The following GLIS1 variants were observed in gnomAD, a reference collection of about 807,000 sequenced individuals.
The protein encoded by GLIS1 is zinc finger protein GLIS1.
In GLIS1, 24 loss-of-function variants were observed where a neutral mutation model predicts 63.8. That is an observed-to-expected ratio of 0.38 (90% CI 0.27 to 0.53). The LOEUF is 0.53. Ranked by LOEUF, GLIS1 falls within the 20% of genes least tolerant of loss-of-function variation. The pLI, the probability that GLIS1 is intolerant of heterozygous loss-of-function variation, is 0.85. For missense variants in GLIS1, 1,036 were observed against 1,074.1 expected (o/e 0.96, Z 0.50); for synonymous variants, 450 against 482.5 (o/e 0.93, Z 0.88).
At chr1:53,654,385 G>A (rs1474462) in intron 2 of GLIS1, among the ~76,000 whole-genome samples, 66,183 of 152,104 alleles carry the variant, frequency 0.44, 16,844 homozygotes, top group Non-Finnish European at 0.55. Flanking sequence ...GTCGGGGGCC[G>A]GAACAGCCCC....
chr1:53,618,233 G>A (rs1557484092), intron 2 of GLIS1, among the ~76,000 whole-genome samples: 1 of 152,242 alleles, frequency 6.6e-6, no homozygotes, highest in Non-Finnish European at 1.5e-5. Context: ...TTCTCCCGCT[G>A]TAAGTGATCA....
chr1:53,737,057 G>C (rs375428142), intron 2 of GLIS1, among the ~76,000 whole-genome samples: 2 of 152,134 alleles, frequency 1.3e-5, no homozygotes, highest in Non-Finnish European at 2.9e-5. Flanking sequence ...CTGTCAGCAC[G>C]AAACTCATAA....
chr1:53,624,340 G>A (rs1341742636), intron 2 of GLIS1, among the ~76,000 whole-genome samples: 1 of 152,104 alleles, frequency 6.6e-6, no homozygotes, highest in Non-Finnish European at 1.5e-5. Context: ...ATAACTGTAT[G>A]GAAAAGATGA....
intron 4 of GLIS1, among the ~76,000 whole-genome samples, chr1:53,573,660 G>A (rs1049913805): frequency 5.9e-5 from 9 of 152,142 alleles, no homozygotes; most frequent in Admixed American, 2.6e-4. Flanking sequence ...ACATGTACAC[G>A]CACACACACA....
chr1:53,585,283 T>C (rs1645123229), intron 4 of GLIS1, among the ~76,000 whole-genome samples: 1 of 151,854 alleles, frequency 6.6e-6, no homozygotes, highest in African/African-American at 2.4e-5. Context: ...AGGCACGAGG[T>C]AAGTGCTACA....
chr1:53,721,973 A>T (rs540989575), intron 2 of GLIS1, among the ~76,000 whole-genome samples: 1 of 152,348 alleles, frequency 6.6e-6, no homozygotes, highest in African/African-American at 2.4e-5. Context: ...TAAATTTTAT[A>T]AGTAAAATAT....
At chr1:53,666,257 C>G (rs1032080643) in intron 2 of GLIS1, among the ~76,000 whole-genome samples, 6 of 152,210 alleles carry the variant, frequency 3.9e-5, no homozygotes, top group African/African-American at 1.4e-4. Context: ...ACCTGGACAG[C>G]AGCTATCTTT....
chr1:53,545,493 G>A (rs1248559728), intron 4 of GLIS1, among the ~76,000 whole-genome samples: 4 of 152,106 alleles, frequency 2.6e-5, no homozygotes, highest in Non-Finnish European at 1.5e-5. Context: ...CCCAAAATAC[G>A]CTGTTAGTGA....
intron 2 of GLIS1, among the ~76,000 whole-genome samples, chr1:53,724,286 T>G (rs1288112121): frequency 2.6e-5 from 4 of 152,196 alleles, no homozygotes. Context: ...AGAATGATAT[T>G]TTAGACTAAT....
intron 4 of GLIS1, among the ~76,000 whole-genome samples, chr1:53,553,452 G>C (rs369931891): frequency 1.6e-3 from 248 of 150,958 alleles, no homozygotes; most frequent in African/African-American, 5.9e-3. Context: ...ATGCCTCCAA[G>C]AAGCTAAGCA....
At position 53,529,963 on chromosome 1, in the gene GLIS1, G is replaced by A; in HGVS notation, c.1321-11C>T. On this transcript the variant is annotated splice_polypyrimidine_tract_variant and intron_variant, in intron 4 of 10. Transcript: ENST00000628545. ...GCTGCAGCCTTCAAACTGCAGGAGA[G>A]GCTGGTGAGGGGAACTCCCAGCCCG... 1 of 1,611,418 alleles carries A rather than the reference G, an allele frequency of 6.2e-7. No homozygotes were observed. The highest frequency in any genetic ancestry group is 1.1e-5 in the South Asian group (1 of 91,000).
chr1:53,710,612 TC>T (rs906687849), intron 2 of GLIS1, among the ~76,000 whole-genome samples: 1 of 152,210 alleles, frequency 6.6e-6, no homozygotes, highest in African/African-American at 2.4e-5. Context: ...TGAGAAATTT[TC>T]AACAAGAAGC....
At chr1:53,709,081 T>C (rs957362483) in intron 2 of GLIS1, among the ~76,000 whole-genome samples, 1 of 152,028 alleles carries the variant, frequency 6.6e-6, no homozygotes, top group African/African-American at 2.4e-5. Context: ...TGACTTTGGG[T>C]ACAGAAGGGC....
At position 53,537,342 on chromosome 1, in the gene GLIS1, A is replaced by G. The variant is rs950762490; in HGVS notation, c.1321-7390T>C. ...AGAGCATGCAGGGGAGCCCCAGCAC[A>G]GTGCCTGGCGTGCCGCTGGCACTAG... On this transcript the variant is annotated intron_variant, in intron 4 of 10. Transcript: ENST00000628545. 3.9e-5 allele frequency among the ~76,000 whole-genome samples: 6 copies of G among 152,194 alleles called. No individual in the cohort carries two copies. In the South Asian group the frequency reaches 1.0e-3, roughly 26 times the overall value.
chr1:53,552,498 T>A (rs1557446144), intron 4 of GLIS1, among the ~76,000 whole-genome samples: 1 of 152,346 alleles, frequency 6.6e-6, no homozygotes, highest in East Asian at 1.9e-4. Flanking sequence ...ACAAAGATTG[T>A]TGTCTTTGTC....
At chr1:53,706,113 G>A (rs181072958) in intron 2 of GLIS1, among the ~76,000 whole-genome samples, 116 of 152,216 alleles carry the variant, frequency 7.6e-4, no homozygotes, top group Non-Finnish European at 1.3e-3. Flanking sequence ...CTAAGAGATC[G>A]ATACTATTAT....
chr1:53,526,258 G>A lies in GLIS1; in HGVS notation c.1483-1371C>T, dbSNP rs935339371. On this transcript the variant is annotated intron_variant, in intron 5 of 10. Coordinates refer to ENST00000628545, the MANE Select transcript of GLIS1 (RefSeq NM_001367484.1). The surrounding 1 kb of genome is among the most constrained non-coding windows in gnomAD (Gnocchi z 4.4). ...GGCAGCTTTGCCCCTGCTGGACTAA[G>A]GAGAGGCCAGGCCAACCTCAGACCC... Among the ~76,000 whole-genome samples, 4 of 152,118 alleles carry A rather than the reference G, an allele frequency of 2.6e-5. No homozygotes were observed. Among genetic ancestry groups the A allele is most frequent in the African/African-American group, 9.7e-5 (4 of 41,404 alleles).
In GLIS1 at chr1:53,639,322, G is replaced by C. The variant is rs760960003; in HGVS notation, c.260-39044C>G. Among the ~76,000 whole-genome samples the C allele has an allele frequency of 6.6e-6, 1 of 152,046 alleles. No individual in the cohort carries two copies. Among genetic ancestry groups the C allele is most frequent in the South Asian group, 2.1e-4 (1 of 4,818 alleles). Reference sequence around the variant, plus strand: ...GGCTCCACCAGTCCCACCCTCGTTCGGAGGTGTCCCCTCCCTGCAGGCTGC... The same window carrying C: ...GGCTCCACCAGTCCCACCCTCGTTCCGAGGTGTCCCCTCCCTGCAGGCTGC... On this transcript the variant is annotated intron_variant, in intron 2 of 10. Coordinates refer to ENST00000628545, the MANE Select transcript of GLIS1 (RefSeq NM_001367484.1). The surrounding 1 kb of genome is among the most constrained non-coding windows in gnomAD (Gnocchi z 4.6).
intron 4 of GLIS1, among the ~76,000 whole-genome samples, chr1:53,552,459 T>C (rs1294990843): frequency 6.6e-6 from 1 of 152,210 alleles, no homozygotes; most frequent in Non-Finnish European, 1.5e-5. Flanking sequence ...CCCCTGCTCA[T>C]TGATGATGAA....
Sources: allele counts gnomAD v4.1 joint callset (sites outside exome capture counted in the v4.1 genomes callset), GRCh38; gene constraint gnomAD v4.1.1; non-coding constraint Gnocchi (gnomAD v3.1); transcripts MANE v1.5; gene names NCBI Gene and HGNC (gene_info 2026-07-23, HGNC 2026-07-21).